WWC2: variants seen among roughly 807,000 people sequenced by gnomAD.
WWC2 encodes the protein protein WWC2.
In WWC2, 101 loss-of-function variants were observed where a neutral mutation model predicts 138.5. The observed-to-expected ratio is 0.73, with a 90% confidence interval of 0.62 to 0.86. The LOEUF is 0.86. Ranked by LOEUF, WWC2 falls within the 40% of genes least tolerant of loss-of-function variation. The pLI, the probability that WWC2 is intolerant of heterozygous loss-of-function variation, is 0.00. For synonymous variants in WWC2, 558 were observed against 538.4 expected (o/e 1.04, Z -0.50); for missense variants, 1,420 against 1,419.4 (o/e 1.00, Z -0.01).
At chr4:183,142,064 G>A in intron 1 of WWC2, among the ~76,000 whole-genome samples, 1 of 152,176 alleles carries the variant, frequency 6.6e-6, no homozygotes, top group Non-Finnish European at 1.5e-5. Context: ...TGGTGGGTTG[G>A]AGTGCTATTT....
chr4:183,242,864 A>G (rs1391341182), intron 5 of WWC2, among the ~76,000 whole-genome samples: 1 of 152,234 alleles, frequency 6.6e-6, no homozygotes, highest in Non-Finnish European at 1.5e-5. Flanking sequence ...ACTTCGGTTT[A>G]TTTTATGACA....
chr4:183,289,463 T>C lies in WWC2; in HGVS notation c.3212T>C (p.Leu1071Pro), dbSNP rs1411934930. 3 of 1,613,440 alleles carry C rather than the reference T, an allele frequency of 1.9e-6. No homozygotes were observed. The South Asian group carries it at 3.3e-5, about 18-fold the overall frequency. The change falls in exon 21 of 23, where the codon CTG becomes CCG. Residue 1071 changes from leucine to proline, a missense_variant. By Grantham distance (98) the Leu-to-Pro change is moderately conservative (BLOSUM62 -3). Transcript: ENST00000403733. ...CPVRTSLDLELDLQASLTRQS... is the reference protein window; with the variant it reads ...CPVRTSLDLEPDLQASLTRQS... ...GTGCGGACATCTCTAGACTTAGAAC[T>C]GGACCTTCAGGCATCTCTGACCCGG...
At chr4:183,136,036 G>T (rs1733102479) in intron 1 of WWC2, among the ~76,000 whole-genome samples, 1 of 150,840 alleles carries the variant, frequency 6.6e-6, no homozygotes, top group African/African-American at 2.4e-5. Flanking sequence ...ACATTTTCTT[G>T]TTATCTGTGG....
rs113602820 is a variant in WWC2, at chr4:183,113,480, CTGTGTGTGTGTGTGTG to C, written c.131+13879_131+13894del. Among the ~76,000 whole-genome samples the C allele has an allele frequency of 9.2e-4, 133 of 143,806 alleles. 2 individuals carry two copies. The South Asian group carries it at 0.012, about 13-fold the overall frequency. The allele number at this position is 143,806 out of a possible 152,430, so 94.3% of individuals were successfully genotyped here. ...CAATTGAACTGAGGTAAGGTGGGGC[CTGTGTGTGTGTGTGTG>C]TGTGTGTGTGTGTGTGTGTGCGCGC... On this transcript the variant is annotated intron_variant, in intron 1 of 22. Transcript: ENST00000403733.
chr4:183,265,102 G>A lies in WWC2; in HGVS notation c.2034G>A (p.Val678=), dbSNP rs1737457092. 1.2e-6 allele frequency: 2 copies of A among 1,606,862 alleles called. No individual in the cohort carries two copies. The highest frequency in any genetic ancestry group is 1.7e-5 in the Admixed American group (1 of 59,174). The change falls in exon 12 of 23, where the codon GTG becomes GTA. Residue 678 remains valine, a synonymous_variant. Coordinates refer to ENST00000403733, the MANE Select transcript of WWC2 (RefSeq NM_024949.6). ...ACAGTGGGGTCTATGAAGCTTTCGTGAAACAGTAAGGATTCAGCAGGGGCG... is the reference window on the plus strand; with the variant it reads ...ACAGTGGGGTCTATGAAGCTTTCGTAAAACAGTAAGGATTCAGCAGGGGCG... ...AGDSGVYEAF[V]KQPSEMEDVT...
chr4:183,102,368 C>T (rs1743207731), intron 1 of WWC2, among the ~76,000 whole-genome samples: 1 of 152,152 alleles, frequency 6.6e-6, no homozygotes, highest in Non-Finnish European at 1.5e-5. Flanking sequence ...ACAGTATTTA[C>T]TCAGTGTGTA....
intron 1 of WWC2, among the ~76,000 whole-genome samples, chr4:183,140,560 C>T (rs919040265): frequency 1.3e-5 from 2 of 152,116 alleles, no homozygotes; most frequent in Admixed American, 1.3e-4. Context: ...TACTGACTCA[C>T]GTGGGAGTCA....
At chr4:183,152,366 A>T (rs1010571380) in intron 1 of WWC2, among the ~76,000 whole-genome samples, 1 of 151,722 alleles carries the variant, frequency 6.6e-6, no homozygotes, top group Non-Finnish European at 1.5e-5. Flanking sequence ...TGGCATGTAG[A>T]TGTGTGCTTG....
chr4:183,219,149 A>T (rs1383794434), intron 4 of WWC2, among the ~76,000 whole-genome samples: 1 of 152,158 alleles, frequency 6.6e-6, no homozygotes, highest in Non-Finnish European at 1.5e-5. Flanking sequence ...TTTCATAGAC[A>T]CAGAAAATAG....
intron 1 of WWC2, among the ~76,000 whole-genome samples, chr4:183,125,154 G>A (rs938759531): frequency 3.4e-4 from 51 of 152,100 alleles, no homozygotes; most frequent in Non-Finnish European, 6.3e-4. Context: ...AGGGATGGAA[G>A]CTTTTATATC....
intron 11 of WWC2, 54 bp from the exon 12 acceptor site, chr4:183,264,924 T>C: frequency 1.3e-6 from 2 of 1,545,014 alleles, no homozygotes; most frequent in Non-Finnish European, 1.7e-6. Context: ...TATTTAATAC[T>C]TAACTTTTCC....
At chr4:183,213,736 A>T (rs1338700566) in intron 4 of WWC2, among the ~76,000 whole-genome samples, 1 of 152,150 alleles carries the variant, frequency 6.6e-6, no homozygotes, top group African/African-American at 2.4e-5. Context: ...TTTTATTAAG[A>T]TACTCTTAAC....
At chr4:183,291,621 T>C (rs566099140) in intron 21 of WWC2, among the ~76,000 whole-genome samples, 66 of 152,228 alleles carry the variant, frequency 4.3e-4, no homozygotes, top group Non-Finnish European at 7.9e-4. Flanking sequence ...ACTTTGTGTC[T>C]TTGGTTGTTT....
intron 1 of WWC2, among the ~76,000 whole-genome samples, chr4:183,183,747 C>T (rs993316710): frequency 1.3e-5 from 2 of 151,238 alleles, no homozygotes; most frequent in Non-Finnish European, 2.9e-5. Context: ...CGTCCCGCTG[C>T]ACTCCAGCCT....
chr4:183,178,034 C>G (rs180838887), intron 1 of WWC2, among the ~76,000 whole-genome samples: 1 of 152,308 alleles, frequency 6.6e-6, no homozygotes, highest in East Asian at 1.9e-4. Context: ...AACAGCATCA[C>G]TATAGCGTTA....
chr4:183,280,229 G>GTTTTTTTTTTTTTTTTTTTTTTT (rs869235261), intron 16 of WWC2, among the ~76,000 whole-genome samples: 11 of 65,452 alleles, frequency 1.7e-4, no homozygotes, highest in Admixed American at 2.4e-4. Flanking sequence ...GATAGCAGCT[G>GTTTTTTTTTTTTTTTTTTTTTTT]TTTTTTTTTT....
intron 1 of WWC2, among the ~76,000 whole-genome samples, chr4:183,159,946 C>T (rs943659676): frequency 5.9e-5 from 9 of 151,948 alleles, no homozygotes; most frequent in Non-Finnish European, 1.3e-4. Flanking sequence ...AATTTTTGAG[C>T]AGGTATTGGA....
intron 1 of WWC2, among the ~76,000 whole-genome samples, chr4:183,183,291 A>G (rs1224547326): frequency 1.3e-5 from 2 of 152,168 alleles, no homozygotes; most frequent in African/African-American, 2.4e-5. Context: ...CCTATCACCT[A>G]GGTATTAAGC....
chr4:183,272,422 T>C (rs890341709), intron 16 of WWC2, among the ~76,000 whole-genome samples: 2 of 152,230 alleles, frequency 1.3e-5, no homozygotes, highest in African/African-American at 4.8e-5. Context: ...ACAATATAAT[T>C]CATACATCAT....
Sources: allele counts gnomAD v4.1 joint callset (sites outside exome capture counted in the v4.1 genomes callset), GRCh38; gene constraint gnomAD v4.1.1; transcripts MANE v1.5; gene names NCBI Gene and HGNC (gene_info 2026-07-23, HGNC 2026-07-21).